Variants in DYNLL1 observed in about 807,000 individuals in gnomAD.
DYNLL1 encodes dynein light chain 1, cytoplasmic.
A neutral mutation model predicts 10.1 loss-of-function variants in DYNLL1; 3 were observed. The ratio of observed to expected loss-of-function variants is 0.30; its 90% CI spans 0.14 to 0.77. DYNLL1 has a LOEUF of 0.77. Among genes scored for constraint, DYNLL1 ranks in the 30% least tolerant of loss-of-function variants. The pLI, the probability that DYNLL1 is intolerant of heterozygous loss-of-function variation, is 0.66. For synonymous variants in DYNLL1, 46 were observed against 41.2 expected, an observed-to-expected ratio of 1.12 and a Z score of -0.45; for missense variants, 47 against 111.7, an observed-to-expected ratio of 0.42 and a Z score of 2.61.
intron 1 of DYNLL1, among the ~76,000 whole-genome samples, chr12:120,474,757 G>T (rs576936467): frequency 3.5e-4 from 53 of 152,286 alleles, no homozygotes; most frequent in Non-Finnish European, 5.4e-4. Flanking sequence ...CTAGGTATCA[G>T]TGGGCAGAGA....
chr12:120,472,524 A>T (rs968793552), intron 1 of DYNLL1, among the ~76,000 whole-genome samples: 1 of 152,096 alleles, frequency 6.6e-6, no homozygotes, highest in African/African-American at 2.4e-5. Context: ...TGGTGTGCTT[A>T]GGTGTATTAA....
At chr12:120,484,291 A>G (rs1878946291) in intron 1 of DYNLL1, among the ~76,000 whole-genome samples, 1 of 140,784 alleles carries the variant, frequency 7.1e-6, no homozygotes. Flanking sequence ...AGATAGGAGC[A>G]TGAACAGTTC....
upstream of DYNLL1, among the ~76,000 whole-genome samples, chr12:120,494,743 A>G (rs1879224254): frequency 6.6e-6 from 1 of 152,222 alleles, no homozygotes; most frequent in South Asian, 2.1e-4. Context: ...GGTGTGAGCC[A>G]TCATGCCCAG....
chr12:120,497,864 GCCTCCATTC>G, intron 2 of DYNLL1, 200 bp from the exon 3 acceptor site: 1 of 567,954 alleles, frequency 1.8e-6, no homozygotes, highest in East Asian at 3.0e-5. Context: ...GACCTCCTCA[GCCTCCATTC>G]CCATCTTCGC....
rs1430983992 is a variant in DYNLL1, at chr12:120,496,305, A to G, written c.-7+89A>G. The stretch of plus-strand genomic sequence containing the variant: ...CCCTCCGCGTAGCCCGCGCTTCCTG[A>G]GAAGTGGGGTGGGGGGCGTCGTCCC... On this transcript the variant is annotated intron_variant, in intron 1 of 2. Transcript: ENST00000242577. 5 of 1,468,828 alleles carry G rather than the reference A, an allele frequency of 3.4e-6. No homozygotes were observed. In the African/African-American group the frequency reaches 5.6e-5, roughly 17 times the overall value. The allele number at this position is 1,468,828 out of a possible 1,614,324, so 91.0% of individuals were successfully genotyped here.
chr12:120,488,907 C>G (rs955476528), intron 1 of DYNLL1, among the ~76,000 whole-genome samples: 10 of 152,002 alleles, frequency 6.6e-5, no homozygotes, highest in African/African-American at 2.4e-4. Flanking sequence ...GAACGAAACT[C>G]TGTCTCAAAA....
At chr12:120,471,853 C>T (rs531571608) in intron 1 of DYNLL1, among the ~76,000 whole-genome samples, 227 of 152,200 alleles carry the variant, frequency 1.5e-3, no homozygotes, top group African/African-American at 5.3e-3. Context: ...CCTCGTGATC[C>T]GCCTGCCTCA....
chr12:120,473,660 AC>A (rs1878694447), intron 1 of DYNLL1, among the ~76,000 whole-genome samples: 1 of 145,652 alleles, frequency 6.9e-6, no homozygotes. Context: ...GCGCCACTGA[AC>A]TCCAGCCTGG....
At chr12:120,494,351 A>ACTACAGAC (rs2137069229), upstream of DYNLL1, among the ~76,000 whole-genome samples, 2 of 148,196 alleles carry the variant, frequency 1.3e-5, 1 homozygote, top group South Asian at 4.2e-4. Flanking sequence ...ATCTCGGCTC[A>ACTACAGAC]CTACAGACTC....
intron 1 of DYNLL1, among the ~76,000 whole-genome samples, chr12:120,475,830 C>A (rs757647413): frequency 1.1e-4 from 16 of 152,152 alleles, no homozygotes; most frequent in Non-Finnish European, 1.9e-4. Context: ...CCCTTTACAG[C>A]CCTATGGTAC....
At chr12:120,473,620 G>A (rs373822860) in intron 1 of DYNLL1, among the ~76,000 whole-genome samples, 4 of 150,500 alleles carry the variant, frequency 2.7e-5, no homozygotes, top group African/African-American at 4.9e-5. Context: ...GCTTGAACCC[G>A]GGAGGCAGAG....
At chr12:120,496,585 C>T (rs774811899) in intron 2 of DYNLL1, 32 bp downstream of exon 2, 1 of 1,613,702 alleles carries the variant, frequency 6.2e-7, no homozygotes, top group South Asian at 1.1e-5. Flanking sequence ...GATACGCAGC[C>T]GGGAGCAGGG....
intron 1 of DYNLL1, among the ~76,000 whole-genome samples, chr12:120,478,190 C>T (rs1180493566): frequency 6.6e-6 from 1 of 151,798 alleles, no homozygotes; most frequent in Non-Finnish European, 1.5e-5. Flanking sequence ...CTCACTGCAA[C>T]CTCCACCCCC....
upstream of DYNLL1, among the ~76,000 whole-genome samples, chr12:120,493,431 G>A (rs777000329): frequency 6.6e-6 from 1 of 151,792 alleles, no homozygotes; most frequent in Non-Finnish European, 1.5e-5. Flanking sequence ...AGCTACTCAG[G>A]AGGCCAAGGC....
intron 1 of DYNLL1, among the ~76,000 whole-genome samples, chr12:120,476,530 C>CA (rs1435668829): frequency 6.6e-6 from 1 of 152,180 alleles, no homozygotes; most frequent in Non-Finnish European, 1.5e-5. Flanking sequence ...TTTGTAATTC[C>CA]ATCCTTCTCA....
At chr12:120,472,056 A>G (rs1878662773) in intron 1 of DYNLL1, among the ~76,000 whole-genome samples, 1 of 152,250 alleles carries the variant, frequency 6.6e-6, no homozygotes, top group Admixed American at 6.5e-5. Flanking sequence ...TGAATGTTAC[A>G]CAATTATTAA....
At chr12:120,488,756 A>G (rs1183719464) in intron 1 of DYNLL1, 3 of 152,114 alleles carry the variant, frequency 2.0e-5, no homozygotes, top group Non-Finnish European at 1.5e-5. Context: ...AACTAAAAAT[A>G]CAAAAAATTA....
chr12:120,490,087 A>T (rs911802915), intron 1 of DYNLL1, among the ~76,000 whole-genome samples: 5 of 152,176 alleles, frequency 3.3e-5, no homozygotes, highest in African/African-American at 1.2e-4. Context: ...TATCAGAGAT[A>T]AATATTTTTG....
At chr12:120,470,543 T>C (rs1258479065) in intron 1 of DYNLL1, among the ~76,000 whole-genome samples, 2 of 152,160 alleles carry the variant, frequency 1.3e-5, no homozygotes, top group Non-Finnish European at 2.9e-5. Flanking sequence ...CACGGCTCAC[T>C]GCAGTCTCGA....
Sources: allele counts gnomAD v4.1 joint callset (sites outside exome capture counted in the v4.1 genomes callset), GRCh38; gene constraint gnomAD v4.1.1; transcripts MANE v1.5; gene names NCBI Gene and HGNC (gene_info 2026-07-23, HGNC 2026-07-21).